ARHGAP26: variants seen among roughly 807,000 people sequenced by gnomAD.
ARHGAP26 encodes rho GTPase-activating protein 26.
ARHGAP26 carries 38 observed loss-of-function variants against 104.8 expected under a neutral mutation model. The ratio of observed to expected loss-of-function variants is 0.36; its 90% CI spans 0.28 to 0.48. ARHGAP26 has a LOEUF of 0.48. Ranked by LOEUF, ARHGAP26 falls within the 20% of genes least tolerant of loss-of-function variation. The pLI is 0.99. For missense variants in ARHGAP26, 704 were observed against 947.9 expected, an observed-to-expected ratio of 0.74 and a Z score of 3.38; for synonymous variants, 341 against 340.0, an observed-to-expected ratio of 1.00 and a Z score of -0.03.
At chr5:142,853,604 AC>A (rs1199946280) in intron 1 of ARHGAP26, among the ~76,000 whole-genome samples, 3 of 152,176 alleles carry the variant, frequency 2.0e-5, no homozygotes, top group Non-Finnish European at 4.4e-5. Context: ...AATAGTATCT[AC>A]CTTGTAGGGA....
chr5:142,892,638 A>T (rs1017958322), intron 5 of ARHGAP26, among the ~76,000 whole-genome samples: 1 of 149,922 alleles, frequency 6.7e-6, no homozygotes, highest in African/African-American at 2.5e-5. Context: ...AACATGTGAC[A>T]TACTATTTGG....
intron 11 of ARHGAP26, among the ~76,000 whole-genome samples, chr5:143,001,080 A>T (rs1777131184): frequency 6.6e-6 from 1 of 152,206 alleles, no homozygotes; most frequent in South Asian, 2.1e-4. Flanking sequence ...CTATAAAAGA[A>T]TATATATGAT....
chr5:142,889,856 C>T (rs2152418148), intron 5 of ARHGAP26, among the ~76,000 whole-genome samples: 1 of 151,726 alleles, frequency 6.6e-6, no homozygotes, highest in Admixed American at 6.6e-5. Context: ...AATACAAGGC[C>T]TGGCGCGGTG....
At chr5:142,928,434 C>CTT (rs1436186368) in intron 10 of ARHGAP26, among the ~76,000 whole-genome samples, 7 of 152,102 alleles carry the variant, frequency 4.6e-5, no homozygotes, top group Non-Finnish European at 1.0e-4. Context: ...TTACAGAGCT[C>CTT]TTTATCATTC....
At chr5:142,981,645 C>A in intron 11 of ARHGAP26, among the ~76,000 whole-genome samples, 1 of 152,218 alleles carries the variant, frequency 6.6e-6, no homozygotes. Context: ...TCCTTTCCTG[C>A]AGAGCAGAAT....
At chr5:142,989,393 G>C (rs914363591) in intron 11 of ARHGAP26, among the ~76,000 whole-genome samples, 3 of 152,080 alleles carry the variant, frequency 2.0e-5, no homozygotes, top group African/African-American at 7.2e-5. Context: ...TGGGTCTCCT[G>C]AATACAGCAC....
intron 11 of ARHGAP26, among the ~76,000 whole-genome samples, chr5:142,960,056 A>G (rs1167075832): frequency 2.0e-5 from 3 of 152,274 alleles, no homozygotes; most frequent in African/African-American, 4.8e-5. Flanking sequence ...GTTGAATAGA[A>G]AAGACAGAGT....
intron 18 of ARHGAP26, 63 bp from the exon 19 acceptor site, chr5:143,133,904 T>C (rs1797635565): frequency 1.3e-6 from 2 of 1,513,960 alleles, no homozygotes; most frequent in Non-Finnish European, 1.8e-6. Flanking sequence ...TTGTACTGCT[T>C]CAGGCCTGTT....
rs558411461 is a variant in ARHGAP26, at chr5:142,930,614, T to C, written c.1029-1433T>C. The stretch of plus-strand genomic sequence containing the variant: ...ACAACCCCACTCCCCTTTCTGTCTC[T>C]TGCTTGTTTTCTCACTCCCTTCTCT... On this transcript the variant is annotated intron_variant, in intron 10 of 22. Transcript: ENST00000645722. 1.8e-4 allele frequency among the ~76,000 whole-genome samples: 27 copies of C among 152,088 alleles called. No homozygotes were observed. In the South Asian group the frequency reaches 5.6e-3, roughly 32 times the overall value.
Position 143,055,985 on chromosome 5 carries a change from A to G in ARHGAP26, c.1374-43A>G, listed in dbSNP as rs1351838537. On this transcript the variant is annotated intron_variant, in intron 15 of 22. Coordinates refer to ENST00000645722, the MANE Select transcript of ARHGAP26 (RefSeq NM_001135608.3). ...GCTGCTATTTAGAGAGAATATGATT[A>G]TTCTTATTATTAAGCTGACTAGCCT... is the stretch of plus-strand genomic sequence containing the variant. 3 of 1,427,772 alleles carry G rather than the reference A, an allele frequency of 2.1e-6. No individual in the cohort carries two copies. The East Asian group carries it at 6.9e-5, about 33-fold the overall frequency. 88.4% of individuals were successfully genotyped at this position (1,427,772 alleles called of 1,614,324 possible).
chr5:142,823,796 T>A (rs1426106397), intron 1 of ARHGAP26, among the ~76,000 whole-genome samples: 2 of 152,248 alleles, frequency 1.3e-5, no homozygotes, highest in South Asian at 2.1e-4. Flanking sequence ...TATAGCTTGC[T>A]GATGGTTATT....
At chr5:142,932,352 T>G (rs901384752) in intron 11 of ARHGAP26, among the ~76,000 whole-genome samples, 5 of 152,232 alleles carry the variant, frequency 3.3e-5, no homozygotes, top group African/African-American at 1.2e-4. Context: ...GGCTTCTGCA[T>G]AGAATTACAC....
At chr5:142,838,667 C>T (rs150476613) in intron 1 of ARHGAP26, among the ~76,000 whole-genome samples, 2,839 of 152,200 alleles carry the variant, frequency 0.019, 57 homozygotes, top group Non-Finnish European at 0.031. Flanking sequence ...TATAGTGGGG[C>T]TTATATATTA....
intron 1 of ARHGAP26, chr5:142,867,723 C>T (rs1370020179): frequency 6.6e-6 from 1 of 152,240 alleles, no homozygotes; most frequent in Non-Finnish European, 1.5e-5. Flanking sequence ...GTAGCTCTCC[C>T]TCCAGCTCTG....
At position 143,222,246 on chromosome 5, in the gene ARHGAP26, TACACACACACACACAC is replaced by T. The variant is rs66463225; in HGVS notation, c.2192-89_2192-74del. ...GTACTCATTGTCCAAGCTTCCTTCA[TACACACACACACACAC>T]ACACACACACACACACACACACCCC... On this transcript the variant is annotated intron_variant, in intron 22 of 22. Transcript: ENST00000645722. 1.8e-3 allele frequency: 843 copies of T among 475,850 alleles called. 1 individual carries two copies. Among genetic ancestry groups the T allele is most frequent in the African/African-American group, 4.6e-3 (232 of 50,700 alleles). 29.5% of individuals were successfully genotyped at this position (475,850 alleles called of 1,614,324 possible). A position where few individuals can be genotyped will look rare whatever the true frequency, so the allele number is the denominator to read the frequency against.
chr5:142,792,637 A>G (rs1000617861), intron 1 of ARHGAP26, among the ~76,000 whole-genome samples: 1 of 152,092 alleles, frequency 6.6e-6, no homozygotes, highest in African/African-American at 2.4e-5. Flanking sequence ...CTCTATCCCC[A>G]TTGACTTCTC....
chr5:142,951,010 TCC>T (rs1768277683), intron 11 of ARHGAP26, among the ~76,000 whole-genome samples: 1 of 8,306 alleles, frequency 1.2e-4, no homozygotes, highest in Non-Finnish European at 2.9e-4. Context: ...TCTTTCCCTT[TCC>T]CTTTCCCTTT....
intron 11 of ARHGAP26, among the ~76,000 whole-genome samples, chr5:142,983,615 A>G (rs1227900269): frequency 6.6e-6 from 1 of 152,236 alleles, no homozygotes; most frequent in Non-Finnish European, 1.5e-5. Flanking sequence ...ATTTTCACGC[A>G]TTTTTACATC....
chr5:142,949,927 T>C (rs1376009781), intron 11 of ARHGAP26, among the ~76,000 whole-genome samples: 2 of 152,242 alleles, frequency 1.3e-5, no homozygotes, highest in East Asian at 3.8e-4. Context: ...ATGAAAACTA[T>C]TGACCAGGTC....
Sources: gnomAD v4.1 joint callset for allele counts (sites outside exome capture counted in the v4.1 genomes callset) on GRCh38, gnomAD v4.1.1 for gene constraint, MANE v1.5 for transcripts, NCBI Gene and HGNC (gene_info 2026-07-23, HGNC 2026-07-21) for gene names.